Variants in CDR2 observed in about 807,000 individuals in gnomAD.
The protein encoded by CDR2 is cerebellar degeneration related protein 2.
CDR2 carries 34 observed loss-of-function variants against 48.4 expected under a neutral mutation model. That is an observed-to-expected ratio of 0.70 (90% confidence interval 0.53 to 0.94). The LOEUF is 0.94. Among genes scored for constraint, CDR2 ranks in the 40% least tolerant of loss-of-function variants. CDR2 has a pLI of 0.00. For synonymous variants in CDR2, 240 were observed against 219.7 expected (o/e 1.09, Z -0.82); for missense variants, 498 against 549.5 (o/e 0.91, Z 0.94).
chr16:22,370,650 C>G (rs147095684), intron 1 of CDR2, among the ~76,000 whole-genome samples: 1 of 152,314 alleles, frequency 6.6e-6, no homozygotes, highest in East Asian at 1.9e-4. Flanking sequence ...GCCAACTCAG[C>G]TCTCTGACAA....
In CDR2 at chr16:22,361,833, T is replaced by C. The variant is rs1276543846; in HGVS notation, c.192+3069A>G. Among the ~76,000 whole-genome samples, 6 of 151,946 alleles carry C rather than the reference T, an allele frequency of 3.9e-5. No individual in the cohort carries two copies. The East Asian group carries it at 5.8e-4, about 15-fold the overall frequency. On this transcript the variant is annotated intron_variant, in intron 2 of 4. Transcript: ENST00000268383. The stretch of plus-strand genomic sequence containing the variant: ...ACATATTACAGGAACAAGAGACTCA[T>C]GAATATGTTTCCCGAAATATTCCAA...
intron 2 of CDR2, among the ~76,000 whole-genome samples, chr16:22,363,177 A>G (rs543446321): frequency 7.0e-4 from 106 of 152,156 alleles, no homozygotes; most frequent in Middle Eastern, 3.4e-3. Flanking sequence ...CCTGACCTCA[A>G]GTGATCTGCC....
chr16:22,366,874 G>C (rs909363888), intron 1 of CDR2, among the ~76,000 whole-genome samples: 33 of 152,246 alleles, frequency 2.2e-4, no homozygotes, highest in Non-Finnish European at 4.0e-4. Flanking sequence ...CTTGGACCAG[G>C]GTGGCAGAGA....
At chr16:22,356,975 G>C (rs1002391297) in intron 2 of CDR2, among the ~76,000 whole-genome samples, 5 of 129,808 alleles carry the variant, frequency 3.9e-5, no homozygotes, top group Admixed American at 1.5e-4. Flanking sequence ...AAAAAAAGAA[G>C]ACCACCTTAA....
At chr16:22,359,635 C>G (rs147128240) in intron 2 of CDR2, among the ~76,000 whole-genome samples, 13 of 152,240 alleles carry the variant, frequency 8.5e-5, no homozygotes, top group Admixed American at 2.0e-4. Context: ...CATAACGGAG[C>G]AAAGAGAATC....
At chr16:22,374,167 A>T in intron 1 of CDR2, 64 bp downstream of exon 1, 1 of 1,075,812 alleles carries the variant, frequency 9.3e-7, no homozygotes, top group Non-Finnish European at 1.4e-6. Context: ...ACTTTTTAAC[A>T]GTTTCGCAGC....
At chr16:22,349,251 G>A (rs1567343626) in intron 4 of CDR2, 28 bp downstream of exon 4, 3 of 1,612,846 alleles carry the variant, frequency 1.9e-6, no homozygotes, top group East Asian at 4.5e-5. Flanking sequence ...AGTCCCTGCT[G>A]TAACTCCACA....
At chr16:22,356,596 T>C (rs527555128) in intron 2 of CDR2, among the ~76,000 whole-genome samples, 79 of 152,126 alleles carry the variant, frequency 5.2e-4, no homozygotes, top group Non-Finnish European at 9.6e-4. Flanking sequence ...CTACTAAAAA[T>C]ACAAAAATTC....
chr16:22,347,617 C>T lies in CDR2; in HGVS notation c.713G>A (p.Gly238Glu). The change falls in exon 5 of 5, where the codon GGG (glycine) becomes GAG (glutamate). Residue 238 changes from glycine to glutamate, a missense_variant. Physicochemically the swap from Gly to Glu is moderately conservative, Grantham distance 98. Transcript: ENST00000268383. ...CCGTGCTCGGTAGGCACCTGTGGCC[C>T]CCAGCTGCTGCTCCAGTTCACTGTT... ...KENSELEQQL[G>E]ATGAYRARAL... The T allele has an allele frequency of 6.2e-7, 1 of 1,614,192 alleles. No individual in the cohort carries two copies. Among genetic ancestry groups the T allele is most frequent in the Non-Finnish European group, 8.5e-7 (1 of 1,180,046 alleles).
chr16:22,349,891 A>T, intron 2 of CDR2, 42 bp from the exon 3 acceptor site: 4 of 1,600,382 alleles, frequency 2.5e-6, no homozygotes, highest in Non-Finnish European at 3.4e-6. Context: ...AACAGATAAG[A>T]TACCTGCTGT....
intron 1 of CDR2, among the ~76,000 whole-genome samples, chr16:22,370,424 A>G (rs1410618518): frequency 6.6e-6 from 1 of 152,190 alleles, no homozygotes; most frequent in Non-Finnish European, 1.5e-5. Context: ...TCATTTACTG[A>G]TCCACATAAC....
chr16:22,360,511 A>G (rs2049003776), intron 2 of CDR2, among the ~76,000 whole-genome samples: 2 of 152,166 alleles, frequency 1.3e-5, no homozygotes, highest in Admixed American at 1.3e-4. Flanking sequence ...TTCTACTTAC[A>G]AAATACCCTT....
At chr16:22,349,247 T>G (rs368704011) in intron 4 of CDR2, 32 bp downstream of exon 4, 14 of 1,612,014 alleles carry the variant, frequency 8.7e-6, no homozygotes, top group Non-Finnish European at 1.2e-5. Flanking sequence ...AGACAGTCCC[T>G]GCTGTAACTC....
intron 2 of CDR2, among the ~76,000 whole-genome samples, chr16:22,356,032 T>C (rs1457084508): frequency 2.0e-5 from 3 of 152,244 alleles, no homozygotes; most frequent in African/African-American, 7.2e-5. Context: ...TGCACTATAG[T>C]TGCAGAAATC....
intron 2 of CDR2, among the ~76,000 whole-genome samples, chr16:22,354,344 T>G (rs1207009025): frequency 6.6e-6 from 1 of 152,218 alleles, no homozygotes; most frequent in African/African-American, 2.4e-5. Flanking sequence ...TTCAGCTTAA[T>G]GCTCACCGTC....
chr16:22,347,886 C>CTGGTGATT (rs1598289809), intron 4 of CDR2, 63 bp from the exon 5 acceptor site: 9 of 1,438,236 alleles, frequency 6.3e-6, no homozygotes, highest in Non-Finnish European at 7.5e-6. Context: ...GAGAGGAAGA[C>CTGGTGATT]TGGTGATTTT....
At chr16:22,359,467 T>A (rs2048997573) in intron 2 of CDR2, among the ~76,000 whole-genome samples, 1 of 152,130 alleles carries the variant, frequency 6.6e-6, no homozygotes, top group Admixed American at 6.6e-5. Flanking sequence ...ATGCAACGAT[T>A]TATACCGTTC....
chr16:22,373,078 C>A (rs1291039276), intron 1 of CDR2, among the ~76,000 whole-genome samples: 2 of 152,104 alleles, frequency 1.3e-5, no homozygotes, highest in African/African-American at 4.8e-5. Context: ...TAAGGAGAAC[C>A]CTAGCACTCC....
intron 2 of CDR2, among the ~76,000 whole-genome samples, chr16:22,351,439 CCT>C (rs573271795): frequency 6.2e-4 from 95 of 152,078 alleles, no homozygotes; most frequent in South Asian, 1.9e-3. Context: ...GAATTGACAC[CCT>C]GTCTTCCACA....
Sources: allele counts gnomAD v4.1 joint callset (sites outside exome capture counted in the v4.1 genomes callset), GRCh38; gene constraint gnomAD v4.1.1; transcripts MANE v1.5; gene names NCBI Gene and HGNC (gene_info 2026-07-23, HGNC 2026-07-21).